Variants in ANK2 observed in about 807,000 individuals in gnomAD.
ANK2 encodes ankyrin 2.
In ANK2, 83 loss-of-function variants were observed where a neutral mutation model predicts 360.5. That is an observed-to-expected ratio of 0.23 (90% CI 0.19 to 0.28). The LOEUF (loss-of-function observed/expected upper bound fraction) is 0.28, where lower values mean the gene tolerates loss of function less well. ANK2 is among the 10% of genes least tolerant of loss of function. The pLI is 1.00. For missense variants in ANK2, 4,201 were observed against 4,795.7 expected (o/e 0.88, Z 3.66); for synonymous variants, 1,740 against 1,759.5 (o/e 0.99, Z 0.28).
chr4:113,143,066 G>T (rs1047737494), intron 1 of ANK2, among the ~76,000 whole-genome samples: 2 of 151,574 alleles, frequency 1.3e-5, no homozygotes, highest in African/African-American at 2.4e-5. Flanking sequence ...TATGAATTGC[G>T]TCCCTATCTG....
At chr4:113,072,951 G>GCCTTTT (rs2078257965) in intron 1 of ANK2, among the ~76,000 whole-genome samples, 1 of 92,632 alleles carries the variant, frequency 1.1e-5, no homozygotes. Context: ...CAAGGACAGT[G>GCCTTTT]TCTTTTTTTT....
At chr4:112,866,965 G>A (rs181367698) in intron 1 of ANK2, among the ~76,000 whole-genome samples, 3 of 152,062 alleles carry the variant, frequency 2.0e-5, no homozygotes, top group East Asian at 1.9e-4. Flanking sequence ...TACTTTTCAT[G>A]TAATCAAAAA....
the ANK2 span, among the ~76,000 whole-genome samples, chr4:112,712,057 T>C: frequency 3.6e-3 from 512 of 143,614 alleles, no homozygotes; most frequent in South Asian, 0.016. Flanking sequence ...CACACACACA[T>C]ATATATATAT....
intron 2 of ANK2, among the ~76,000 whole-genome samples, chr4:113,034,962 T>C (rs1322504086): frequency 6.6e-6 from 1 of 151,904 alleles, no homozygotes; most frequent in African/African-American, 2.4e-5. Flanking sequence ...ATATATAATG[T>C]AATTTCTAGG....
chr4:113,293,409 TCTCA>T (rs2068960891), intron 21 of ANK2, 27 bp from the exon 22 acceptor site: 1 of 1,588,482 alleles, frequency 6.3e-7, no homozygotes, highest in South Asian at 1.1e-5. Context: ...CTCTCTTATT[TCTCA>T]CTCTCTCTCT....
At position 113,355,830 on chromosome 4, in the gene ANK2, A is replaced by T. The variant is rs181064820; in HGVS notation, c.7212A>T (p.Arg2404Ser). 3 of 1,614,110 alleles carry T rather than the reference A, an allele frequency of 1.9e-6. No homozygotes were observed. Among genetic ancestry groups the T allele is most frequent in the Non-Finnish European group, 2.5e-6 (3 of 1,179,978 alleles). The change falls in exon 38 of 46, where the codon AGA (arginine) becomes AGT (serine). Residue 2404 changes from arginine to serine, a missense_variant. Physicochemically the swap from Arg to Ser is moderately radical, Grantham distance 110. Transcript: ENST00000357077. ...AATCAAAACCTCAGGGAGTCATTAG[A>T]AGTCCCCAAGGGTTAGAACTTGCAC... ...GTESKPQGVI[R>S]SPQGLELALP... is the part of the protein sequence containing the mutation.
chr4:113,320,710 C>G (rs926568613), intron 26 of ANK2, among the ~76,000 whole-genome samples: 1 of 151,874 alleles, frequency 6.6e-6, no homozygotes, highest in Non-Finnish European at 1.5e-5. Flanking sequence ...CAACCCAGAC[C>G]AATTATTTGG....
intron 14 of ANK2, among the ~76,000 whole-genome samples, chr4:113,271,282 G>A (rs184036603): frequency 7.9e-4 from 120 of 152,220 alleles, no homozygotes; most frequent in African/African-American, 2.6e-3. Flanking sequence ...GCATTCATGC[G>A]GCCCATTTAT....
rs531261130 is a variant in ANK2 at position 113,354,044 on chromosome 4, C to T, written c.5426C>T (p.Ala1809Val). The stretch of plus-strand genomic sequence containing the variant: ...ACCACCCACAGGCCACATCCAGCTG[C>T]GTCACCCTCTCTGAAGTCAGAGAGA... ...KKTTHRPHPA[A>V]SPSLKSERHA... The change falls in exon 38 of 46, where the codon GCG (alanine) becomes GTG (valine). Residue 1809 changes from alanine to valine, a missense_variant. By Grantham distance (64) the Ala-to-Val change is moderately conservative (BLOSUM62 0). Around this residue, in one of 4 missense-constraint regions of ANK2, gnomAD observed 2,642 missense variants for 2,714.5 expected, o/e 0.97. Coordinates refer to ENST00000357077, the MANE Select transcript of ANK2 (RefSeq NM_001148.6). 1.4e-5 allele frequency: 22 copies of T among 1,614,056 alleles called. 1 individual carries two copies. In the South Asian group the frequency reaches 1.4e-4, roughly 10 times the overall value.
chr4:113,193,656 G>T (rs537700904), intron 2 of ANK2, among the ~76,000 whole-genome samples: 2 of 152,106 alleles, frequency 1.3e-5, no homozygotes, highest in Non-Finnish European at 2.9e-5. Flanking sequence ...TACATTTATG[G>T]CACGTATTTC....
chr4:112,833,508 ATT>A (rs34479387), intron 1 of ANK2, among the ~76,000 whole-genome samples: 1 of 146,868 alleles, frequency 6.8e-6, no homozygotes, highest in African/African-American at 2.5e-5. Context: ...TGATTTATGT[ATT>A]TTTTTTTTTT....
intron 1 of ANK2, among the ~76,000 whole-genome samples, chr4:112,891,969 A>C (rs1481209100): frequency 3.3e-5 from 5 of 152,238 alleles, no homozygotes; most frequent in Non-Finnish European, 7.3e-5. Flanking sequence ...AGAGGAATAA[A>C]ATGTGCTAGC....
chr4:112,747,378 A>G, the ANK2 span, among the ~76,000 whole-genome samples: 1 of 152,262 alleles, frequency 6.6e-6, no homozygotes, highest in African/African-American at 2.4e-5. Flanking sequence ...AAGCCTTGTC[A>G]CGGGACTTTA....
intron 2 of ANK2, among the ~76,000 whole-genome samples, chr4:112,955,289 A>G (rs1305288983): frequency 6.6e-6 from 1 of 152,160 alleles, no homozygotes; most frequent in Non-Finnish European, 1.5e-5. Flanking sequence ...CAGACCAAAA[A>G]CTAGACATCA....
chr4:113,120,934 C>A (rs2095314747), intron 1 of ANK2, among the ~76,000 whole-genome samples: 1 of 152,166 alleles, frequency 6.6e-6, no homozygotes, highest in Non-Finnish European at 1.5e-5. Context: ...TTCACCATTT[C>A]TCAGCACAGA....
chr4:113,247,013 A>G (rs2043241252), intron 9 of ANK2, among the ~76,000 whole-genome samples: 1 of 139,276 alleles, frequency 7.2e-6, no homozygotes, highest in Non-Finnish European at 1.6e-5. Context: ...TACATTGTTG[A>G]AAGAATGACC....
intron 37 of ANK2, 146 bp downstream of exon 37, chr4:113,350,395 A>G (rs1588826494): frequency 5.9e-6 from 4 of 673,314 alleles, no homozygotes. Context: ...TATATTTATA[A>G]AAGCAGCTTG....
intron 4 of ANK2, among the ~76,000 whole-genome samples, chr4:113,207,772 G>A (rs955518997): frequency 3.3e-5 from 5 of 151,292 alleles, no homozygotes; most frequent in Non-Finnish European, 5.9e-5. Context: ...AATAATTCAC[G>A]CACTCACTCA....
At chr4:113,028,779 A>C (rs2059787858) in intron 2 of ANK2, among the ~76,000 whole-genome samples, 1 of 152,154 alleles carries the variant, frequency 6.6e-6, no homozygotes. Context: ...TATCTGAGAC[A>C]ACAAAAAATG....
Sources: allele counts gnomAD v4.1 joint callset (sites outside exome capture counted in the v4.1 genomes callset), GRCh38; gene constraint gnomAD v4.1.1; regional missense constraint gnomAD v4.1.1; transcripts MANE v1.5; gene names NCBI Gene and HGNC (gene_info 2026-07-23, HGNC 2026-07-21).